ARHGAP32: variants seen among roughly 807,000 people sequenced by gnomAD.
ARHGAP32 encodes rho GTPase-activating protein 32.
ARHGAP32 carries 51 observed loss-of-function variants against 186.5 expected under a neutral mutation model. The ratio of observed to expected loss-of-function variants is 0.27; its 90% CI spans 0.22 to 0.35. The LOEUF (loss-of-function observed/expected upper bound fraction) is 0.35, where lower values mean the gene tolerates loss of function less well. Among genes scored for constraint, ARHGAP32 ranks in the 10% least tolerant of loss-of-function variants. ARHGAP32 has a pLI of 1.00. For missense variants in ARHGAP32, 2,186 were observed against 2,623.5 expected (o/e 0.83, Z 3.64); for synonymous variants, 950 against 964.3 (o/e 0.99, Z 0.27).
rs1939749611 is a variant in ARHGAP32 at position 129,044,964 on chromosome 11, T to C, written c.964-3955A>G. ...GCTTAATGCACTTCTCAGGGAACTA[T>C]ATCACATACATTAGTTACATTTTCA... On this transcript the variant is annotated intron_variant, in intron 10 of 22. Coordinates refer to ENST00000682385, the MANE Select transcript of ARHGAP32 (RefSeq NM_001378024.1). Among the ~76,000 whole-genome samples, 3 of 152,126 alleles carry C rather than the reference T, an allele frequency of 2.0e-5. No individual in the cohort carries two copies. In the South Asian group the frequency reaches 6.2e-4, roughly 32 times the overall value.
In ARHGAP32 at chr11:129,088,372, G is replaced by A. The variant is rs1020516670; in HGVS notation, c.531+5249C>T. Among the ~76,000 whole-genome samples, 10 of 152,270 alleles carry A rather than the reference G, an allele frequency of 6.6e-5. No individual in the cohort carries two copies. The East Asian group carries it at 1.9e-3, about 29-fold the overall frequency. ...CAAGGTGGGTGGATCACGAGGTCAG[G>A]AGTTCAAGACCATCTTGGCCAACAT... On this transcript the variant is annotated intron_variant, in intron 6 of 22. Transcript: ENST00000682385.
intron 1 of ARHGAP32, among the ~76,000 whole-genome samples, chr11:129,204,134 A>G (rs1944489225): frequency 6.6e-6 from 1 of 151,236 alleles, no homozygotes. Flanking sequence ...GAGATACAGA[A>G]GGCATCAGCT....
chr11:129,256,592 T>C (rs1242175446), intron 1 of ARHGAP32, among the ~76,000 whole-genome samples: 2 of 152,094 alleles, frequency 1.3e-5, no homozygotes, highest in East Asian at 1.9e-4. Context: ...CAATTGGATA[T>C]CCAGCTGGTC....
At chr11:129,180,628 C>T (rs1734774825) in intron 1 of ARHGAP32, among the ~76,000 whole-genome samples, 1 of 152,078 alleles carries the variant, frequency 6.6e-6, no homozygotes, top group Admixed American at 6.6e-5. Flanking sequence ...ATTTGACTCT[C>T]TTGTTCTATG....
At chr11:129,259,995 T>C (rs1945301786) in intron 1 of ARHGAP32, among the ~76,000 whole-genome samples, 1 of 152,176 alleles carries the variant, frequency 6.6e-6, no homozygotes, top group Non-Finnish European at 1.5e-5. Context: ...AATCCCTTGT[T>C]CAGATGCACA....
At chr11:129,193,491 A>T (rs1944308976), upstream of ARHGAP32, among the ~76,000 whole-genome samples, 1 of 98,896 alleles carries the variant, frequency 1.0e-5, no homozygotes, top group African/African-American at 4.0e-5. Flanking sequence ...CAAAAAAAAA[A>T]AAAAAAAAAT....
intron 1 of ARHGAP32, among the ~76,000 whole-genome samples, chr11:129,231,924 C>T (rs1236661840): frequency 1.4e-5 from 2 of 142,816 alleles, no homozygotes; most frequent in South Asian, 2.3e-4. Context: ...TCTAAGGAGG[C>T]TGAGGTGGGA....
intron 10 of ARHGAP32, among the ~76,000 whole-genome samples, chr11:129,053,262 A>G (rs117609443): frequency 0.019 from 2,835 of 152,262 alleles, 105 homozygotes; most frequent in Admixed American, 0.082. Context: ...GTAGCAACAA[A>G]TAAAACATAA....
intron 11 of ARHGAP32, among the ~76,000 whole-genome samples, chr11:129,011,670 C>T (rs1000344917): frequency 2.0e-5 from 3 of 151,966 alleles, no homozygotes; most frequent in African/African-American, 4.8e-5. Context: ...TAAAAATAAC[C>T]AAATATGTTT....
intron 1 of ARHGAP32, among the ~76,000 whole-genome samples, chr11:129,208,560 G>C (rs1211017355): frequency 6.6e-6 from 1 of 152,078 alleles, no homozygotes; most frequent in Non-Finnish European, 1.5e-5. Context: ...AATTAAGGAG[G>C]AGTTCTTAAG....
At chr11:129,058,192 C>T (rs1158732534) in intron 10 of ARHGAP32, among the ~76,000 whole-genome samples, 696 of 53,392 alleles carry the variant, frequency 0.013, 1 homozygote, top group Non-Finnish European at 0.022. Context: ...AAAATATACA[C>T]ACACACACAC....
chr11:129,243,272 A>G (rs1255418978), intron 1 of ARHGAP32, among the ~76,000 whole-genome samples: 1 of 152,194 alleles, frequency 6.6e-6, no homozygotes, highest in Non-Finnish European at 1.5e-5. Flanking sequence ...TACTCCATAT[A>G]TAAGGTTTAG....
At chr11:129,178,460 A>G (rs1263775114) in intron 1 of ARHGAP32, among the ~76,000 whole-genome samples, 1 of 152,136 alleles carries the variant, frequency 6.6e-6, no homozygotes, top group African/African-American at 2.4e-5. Flanking sequence ...TTCATATGGA[A>G]CCAAAAAAGA....
At chr11:129,139,932 A>G (rs1366580963) in intron 2 of ARHGAP32, among the ~76,000 whole-genome samples, 1 of 152,182 alleles carries the variant, frequency 6.6e-6, no homozygotes, top group Non-Finnish European at 1.5e-5. Flanking sequence ...TTGCCCCCCA[A>G]GATTCCCACC....
At chr11:129,029,738 C>G (rs1280933254) in intron 11 of ARHGAP32, among the ~76,000 whole-genome samples, 1 of 131,326 alleles carries the variant, frequency 7.6e-6, no homozygotes, top group Non-Finnish European at 1.6e-5. Flanking sequence ...GGAGGCGGAG[C>G]TTGCAGTGAG....
chr11:128,979,645 G>T (rs1945653494), intron 18 of ARHGAP32, among the ~76,000 whole-genome samples: 1 of 152,166 alleles, frequency 6.6e-6, no homozygotes, highest in Non-Finnish European at 1.5e-5. Flanking sequence ...GTAAGAGTAT[G>T]TTCCAACTTT....
chr11:129,173,049 C>A (rs1591670670), intron 1 of ARHGAP32, among the ~76,000 whole-genome samples: 1 of 144,966 alleles, frequency 6.9e-6, no homozygotes. Flanking sequence ...AACAAACAAA[C>A]AAACAAACAA....
intron 6 of ARHGAP32, among the ~76,000 whole-genome samples, chr11:129,077,952 C>T (rs929160735): frequency 8.5e-5 from 13 of 152,200 alleles, no homozygotes; most frequent in Admixed American, 7.2e-4. Flanking sequence ...CTGTAACATC[C>T]TGGCTAACCA....
intron 1 of ARHGAP32, among the ~76,000 whole-genome samples, chr11:129,231,930 T>C (rs1944864179): frequency 7.3e-6 from 1 of 136,128 alleles, no homozygotes; most frequent in Non-Finnish European, 1.5e-5. Flanking sequence ...GAGGCTGAGG[T>C]GGGAGGATCA....
Sources: gnomAD v4.1 joint callset for allele counts (sites outside exome capture counted in the v4.1 genomes callset) on GRCh38, gnomAD v4.1.1 for gene constraint, MANE v1.5 for transcripts, NCBI Gene and HGNC (gene_info 2026-07-23, HGNC 2026-07-21) for gene names.